Variants in SUPT20H observed in about 807,000 individuals in gnomAD.
SUPT20H encodes the protein SPT20 homolog, SAGA complex component.
In SUPT20H, 82 loss-of-function variants were observed where a neutral mutation model predicts 122.8. That is an observed-to-expected ratio of 0.67 (90% CI 0.56 to 0.80). The LOEUF is 0.80. Ranked by LOEUF, SUPT20H falls within the 30% of genes least tolerant of loss-of-function variation. The pLI, the probability that SUPT20H is intolerant of heterozygous loss-of-function variation, is 0.00. For missense variants in SUPT20H, 831 were observed against 921.6 expected (o/e 0.90, Z 1.27); for synonymous variants, 291 against 313.0 (o/e 0.93, Z 0.74).
At chr13:37,045,161 T>C in intron 6 of SUPT20H, 86 bp downstream of exon 6, 1 of 1,562,010 alleles carries the variant, frequency 6.4e-7, no homozygotes, top group Non-Finnish European at 8.7e-7. Flanking sequence ...ACAAATGCTT[T>C]AGCAGGTTAA....
At chr13:37,033,069 C>A (rs2063673904) in intron 10 of SUPT20H, among the ~76,000 whole-genome samples, 1 of 151,748 alleles carries the variant, frequency 6.6e-6, no homozygotes, top group African/African-American at 2.4e-5. Flanking sequence ...AGACTATAAA[C>A]TTAGAAAAAG....
intron 23 of SUPT20H, chr13:37,012,830 G>C (rs529940910): frequency 6.6e-6 from 1 of 151,754 alleles, no homozygotes; most frequent in South Asian, 2.1e-4. Context: ...ATATATACTA[G>C]TAATGAACAT....
chr13:37,020,013 G>T (rs1375720935), intron 21 of SUPT20H, among the ~76,000 whole-genome samples: 2 of 152,124 alleles, frequency 1.3e-5, no homozygotes, highest in Non-Finnish European at 2.9e-5. Flanking sequence ...GGGCCATCAT[G>T]TGGGCTTTGT....
rs746240151 is a variant in SUPT20H at position 37,024,414 on chromosome 13, G to A, written c.1358C>T (p.Ser453Leu). 14 of 1,578,150 alleles carry A rather than the reference G, an allele frequency of 8.9e-6. No homozygotes were observed. Among genetic ancestry groups the A allele is most frequent in the South Asian group, 8.4e-5 (7 of 83,524 alleles). ...ATGTTTTACACCCTTCCCCAATACCGAAGACTGAACTGACACGGTTTCAGT... is the reference window on the plus strand; with the variant it reads ...ATGTTTTACACCCTTCCCCAATACCAAAGACTGAACTGACACGGTTTCAGT... ...DQTETVSVQS[S>L]VLGKGVKHRP... Residue 453 changes from serine to leucine, a missense_variant, in exon 18 of 26, where the codon TCG (serine) becomes TTG (leucine). By Grantham distance (145) the Ser-to-Leu change is moderately radical (BLOSUM62 -2). Coordinates refer to ENST00000350612, the MANE Select transcript of SUPT20H (RefSeq NM_001014286.3).
At chr13:37,053,427 A>T (rs2068182200) in intron 1 of SUPT20H, among the ~76,000 whole-genome samples, 1 of 152,170 alleles carries the variant, frequency 6.6e-6, no homozygotes, top group Non-Finnish European at 1.5e-5. Flanking sequence ...ACAGGAACAG[A>T]AAACCACACA....
intron 23 of SUPT20H, among the ~76,000 whole-genome samples, chr13:37,016,733 T>G (rs1300657342): frequency 6.6e-6 from 1 of 152,178 alleles, no homozygotes; most frequent in East Asian, 1.9e-4. Flanking sequence ...CCCAGATGAC[T>G]CCAGTGTACC....
At position 37,017,263 on chromosome 13, in the gene SUPT20H, A is replaced by G. The variant is rs760307643; in HGVS notation, c.1974T>C (p.Pro658=). ...QQPQQPTTCS[P]QQPGEQGSEQ... is the part of the protein sequence containing the mutation. Reference sequence around the variant, plus strand: ...TCCATACCTGCTCCCCTGGCTGTTGAGGACTACAAGTTGTGGGCTGCTGAG... The same window carrying G: ...TCCATACCTGCTCCCCTGGCTGTTGGGGACTACAAGTTGTGGGCTGCTGAG... The change falls in exon 23 of 26, where the codon CCT becomes CCC. Residue 658 remains proline, a synonymous_variant. Coordinates refer to ENST00000350612, the MANE Select transcript of SUPT20H (RefSeq NM_001014286.3). 6.2e-7 allele frequency: 1 copy of G among 1,614,148 alleles called. No homozygotes were observed. Among genetic ancestry groups the G allele is most frequent in the Non-Finnish European group, 8.5e-7 (1 of 1,180,002 alleles).
At chr13:37,021,343 T>C (rs1338171102) in intron 21 of SUPT20H, 105 bp downstream of exon 21, 5 of 1,196,500 alleles carry the variant, frequency 4.2e-6, no homozygotes, top group South Asian at 2.0e-5. Context: ...CAACACTTCA[T>C]GAAATAATGA....
intron 10 of SUPT20H, among the ~76,000 whole-genome samples, chr13:37,032,158 C>T (rs545912448): frequency 6.6e-6 from 1 of 151,784 alleles, no homozygotes; most frequent in South Asian, 2.1e-4. Context: ...ATTTCAGACA[C>T]CAAGAAGCAG....
intron 25 of SUPT20H, 89 bp from the exon 26 acceptor site, chr13:37,009,898 G>A: frequency 6.7e-7 from 1 of 1,503,638 alleles, no homozygotes; most frequent in Non-Finnish European, 8.9e-7. Context: ...CAACACAACT[G>A]AAAAAGGGAG....
intron 9 of SUPT20H, among the ~76,000 whole-genome samples, chr13:37,036,071 G>T (rs1206128134): frequency 1.3e-5 from 2 of 152,086 alleles, no homozygotes; most frequent in Non-Finnish European, 2.9e-5. Flanking sequence ...TCAAAAAACT[G>T]CCACTGCCAT....
At chr13:37,035,323 T>C (rs149894298) in intron 9 of SUPT20H, among the ~76,000 whole-genome samples, 274 of 152,308 alleles carry the variant, frequency 1.8e-3, no homozygotes, top group Non-Finnish European at 3.4e-3. Context: ...AACATTAATA[T>C]GAGTTTGGGA....
intron 16 of SUPT20H, 118 bp from the exon 17 acceptor site, chr13:37,025,555 T>C (rs573407027): frequency 2.1e-5 from 14 of 651,796 alleles, no homozygotes; most frequent in South Asian, 1.4e-4. Flanking sequence ...AAAATTAACA[T>C]AAATATTAAA....
chr13:37,028,187 T>C lies in SUPT20H; in HGVS notation c.1112A>G (p.Lys371Arg), dbSNP rs150057352. The part of the protein sequence containing the change: ...PLYYGKIQPC[K>R]ADEESDSQMS... ...CTGGCTGTCACTTTCTTCATCTGCT[T>C]TACATGGCTGTATTTTACCATAGTA... Residue 371 changes from lysine (K) to arginine (R), a missense_variant, in exon 14 of 26, where the codon AAA (lysine) becomes AGA (arginine). Coordinates refer to ENST00000350612, the MANE Select transcript of SUPT20H (RefSeq NM_001014286.3). 5.0e-5 allele frequency: 81 copies of C among 1,613,130 alleles called. No individual in the cohort carries two copies. The African/African-American group carries it at 1.0e-3, about 20-fold the overall frequency.
At chr13:37,033,937 T>C (rs2063870906) in intron 9 of SUPT20H, among the ~76,000 whole-genome samples, 1 of 152,246 alleles carries the variant, frequency 6.6e-6, no homozygotes, top group Non-Finnish European at 1.5e-5. Context: ...TTTGGTAATT[T>C]TTTTTGTATC....
In SUPT20H at chr13:37,009,513, G is replaced by C; in HGVS notation, c.*159C>G. 1.0e-6 allele frequency: 1 copy of C among 996,030 alleles called. No homozygotes were observed. The highest frequency in any genetic ancestry group is 1.5e-6 in the Non-Finnish European group (1 of 666,672). 61.7% of individuals were successfully genotyped at this position (996,030 alleles called of 1,614,324 possible). On this transcript the variant is annotated 3_prime_UTR_variant, in exon 26 of 26. Coordinates refer to ENST00000350612, the MANE Select transcript of SUPT20H (RefSeq NM_001014286.3). ...CCCTAGTTTGTTAAACCATTTCCCT[G>C]TTTTTATTTAAAAATGATAAGGTTG...
chr13:37,024,383 G>A lies in SUPT20H; in HGVS notation c.1389C>T (p.Pro463=). 1 of 1,593,002 alleles carries A rather than the reference G, an allele frequency of 6.3e-7. No individual in the cohort carries two copies. Among genetic ancestry groups the A allele is most frequent in the Non-Finnish European group, 8.5e-7 (1 of 1,172,644 alleles). The part of the protein sequence containing the change: ...SVLGKGVKHR[P]PPIKLPSSSG... ...AGCTTGAGGGAAGTTTGATTGGTGG[G>A]GGTCGATGTTTTACACCCTTCCCCA... is the stretch of plus-strand genomic sequence containing the variant. Residue 463 remains proline (P), a synonymous_variant, in exon 18 of 26, where the codon CCC becomes CCT. Coordinates refer to ENST00000350612, the MANE Select transcript of SUPT20H (RefSeq NM_001014286.3).
chr13:37,047,430 TGTTA>T, intron 5 of SUPT20H, 101 bp downstream of exon 5: 5 of 1,227,778 alleles, frequency 4.1e-6, no homozygotes, highest in South Asian at 3.2e-5. Context: ...TTAAAAAAGA[TGTTA>T]GTTCACTCAC....
At chr13:37,021,928 C>T (rs2061507473) in intron 20 of SUPT20H, 83 bp downstream of exon 20, 2 of 1,450,980 alleles carry the variant, frequency 1.4e-6, no homozygotes, top group African/African-American at 1.4e-5. Flanking sequence ...GCGGTTTGTT[C>T]TTAATTTCAC....
Sources: allele counts gnomAD v4.1 joint callset (sites outside exome capture counted in the v4.1 genomes callset), GRCh38; gene constraint gnomAD v4.1.1; transcripts MANE v1.5; gene names NCBI Gene and HGNC (gene_info 2026-07-23, HGNC 2026-07-21).